The following DNAAF4 variants were observed in gnomAD, a reference collection of about 807,000 sequenced individuals.
The protein encoded by DNAAF4 is dynein assembly factor 4, axonemal.
In DNAAF4, 43 loss-of-function variants were observed where a neutral mutation model predicts 51.8. The ratio of observed to expected loss-of-function variants is 0.83; its 90% CI spans 0.65 to 1.07. The LOEUF (loss-of-function observed/expected upper bound fraction) is 1.07. Among genes scored for constraint, DNAAF4 ranks in the 50% least tolerant of loss-of-function variants. The pLI is 0.00. For synonymous variants in DNAAF4, 194 were observed against 165.6 expected, an observed-to-expected ratio of 1.17 and a Z score of -1.32; for missense variants, 581 against 493.0, an observed-to-expected ratio of 1.18 and a Z score of -1.69.
At chr15:55,429,582 C>G (rs2057466828), downstream of DNAAF4, among the ~76,000 whole-genome samples, 3 of 150,462 alleles carry the variant, frequency 2.0e-5, no homozygotes, top group South Asian at 6.3e-4. Flanking sequence ...CTTTGGGAGG[C>G]CAAGGTGGGT....
At chr15:55,495,113 C>T (rs1449186297) in intron 3 of DNAAF4, 1 of 150,284 alleles carries the variant, frequency 6.7e-6, no homozygotes, top group Non-Finnish European at 1.5e-5. Flanking sequence ...TCCTCAGGCC[C>T]CAACATAGAC....
At position 55,498,593 on chromosome 15, in the gene DNAAF4, G is replaced by GAAAAAAAAAAAAAAAAAAAAAAAAAAA. The variant is rs3049057; in HGVS notation, c.-255-10_-255-9insTTTTTTTTTTTTTTTTTTTTTTTTTTT. Reference sequence around the variant, plus strand: ...AAGTAGACCCATACCCTCTGCTTGAGAAAAAAAAAAAAAAAAAAAAGCACT... The same window carrying GAAAAAAAAAAAAAAAAAAAAAAAAAAA: ...AAGTAGACCCATACCCTCTGCTTGAGAAAAAAAAAAAAAAAAAAAAAAAAAAAAAAAAAAAAAAAAAAAAAAAGCACT... On this transcript the variant is annotated splice_polypyrimidine_tract_variant and intron_variant, in intron 1 of 9. Transcript: ENST00000321149. 1 of 74,630 alleles carries GAAAAAAAAAAAAAAAAAAAAAAAAAAA rather than the reference G, an allele frequency of 1.3e-5. No homozygotes were observed. The highest frequency in any genetic ancestry group is 5.8e-5 in the African/African-American group (1 of 17,202). 4.6% of individuals were successfully genotyped at this position (74,630 alleles called of 1,614,324 possible).
chr15:55,419,994 ACT>A (rs1012456656), intron 7 of DNAAF4, among the ~76,000 whole-genome samples: 6 of 151,842 alleles, frequency 4.0e-5, no homozygotes, highest in Admixed American at 2.0e-4. Context: ...CAAGAGCAAA[ACT>A]CTGTCTCAAA....
intron 4 of DNAAF4, among the ~76,000 whole-genome samples, chr15:55,479,988 T>C (rs546260146): frequency 6.6e-6 from 1 of 152,298 alleles, no homozygotes; most frequent in South Asian, 2.1e-4. Flanking sequence ...CTTTGCCTTG[T>C]GATCTTTGTT....
At chr15:55,453,822 T>A (rs1440945823) in intron 5 of DNAAF4, among the ~76,000 whole-genome samples, 2 of 151,822 alleles carry the variant, frequency 1.3e-5, no homozygotes, top group Non-Finnish European at 2.9e-5. Context: ...AGTGCTGGGA[T>A]TACAGGCATG....
At chr15:55,433,850 TA>T (rs2057542771) in intron 8 of DNAAF4, among the ~76,000 whole-genome samples, 1 of 59,444 alleles carries the variant, frequency 1.7e-5, no homozygotes, top group Non-Finnish European at 3.4e-5. Flanking sequence ...ATATATTATA[TA>T]TATTATAATA....
chr15:55,466,888 A>T (rs2058178313), intron 5 of DNAAF4, 42 bp downstream of exon 5: 4 of 1,573,726 alleles, frequency 2.5e-6, no homozygotes, highest in Non-Finnish European at 3.4e-6. Flanking sequence ...TATATACTTC[A>T]CCAACAGGAC....
At chr15:55,429,970 A>G (rs967549604), downstream of DNAAF4, among the ~76,000 whole-genome samples, 32 of 152,316 alleles carry the variant, frequency 2.1e-4, no homozygotes, top group African/African-American at 7.7e-4. Context: ...ATAATATTCC[A>G]GGTTAATATC....
chr15:55,462,281 T>C (rs1024368212), intron 5 of DNAAF4, among the ~76,000 whole-genome samples: 4 of 151,308 alleles, frequency 2.6e-5, no homozygotes, highest in African/African-American at 4.9e-5. Context: ...GCAACCTCCA[T>C]CTCCGGGTTT....
intron 7 of DNAAF4, among the ~76,000 whole-genome samples, chr15:55,436,115 T>C (rs1024464214): frequency 6.6e-6 from 1 of 152,150 alleles, no homozygotes; most frequent in African/African-American, 2.4e-5. Flanking sequence ...GGAACCACAA[T>C]AGTGTTTTCC....
chr15:55,507,093 C>T (rs573024805), intron 1 of DNAAF4, among the ~76,000 whole-genome samples: 1 of 152,190 alleles, frequency 6.6e-6, no homozygotes, highest in East Asian at 1.9e-4. Context: ...TCAGGTGATC[C>T]GTTCACTTCC....
chr15:55,483,875 A>G (rs2058448643), intron 4 of DNAAF4, among the ~76,000 whole-genome samples: 1 of 93,210 alleles, frequency 1.1e-5, no homozygotes, highest in Non-Finnish European at 2.3e-5. Flanking sequence ...TTTTTTTAAG[A>G]GAAAGCATAG....
intron 1 of DNAAF4, among the ~76,000 whole-genome samples, chr15:55,501,650 C>T (rs2141611088): frequency 6.6e-6 from 1 of 151,300 alleles, no homozygotes; most frequent in East Asian, 2.0e-4. Context: ...GCCGGGATTA[C>T]AGGTGTAAGC....
intron 9 of DNAAF4, 105 bp downstream of exon 9, chr15:55,432,392 A>T: frequency 1.3e-6 from 1 of 763,696 alleles, no homozygotes; most frequent in South Asian, 2.4e-5. Flanking sequence ...AAATGCTAAA[A>T]ATATTTAAAA....
rs1227942902 is a variant in DNAAF4 at position 55,466,920 on chromosome 15, A to G, written c.637+10T>C. The G allele has an allele frequency of 6.3e-7, 1 of 1,581,400 alleles. No homozygotes were observed. The highest frequency in any genetic ancestry group is 1.4e-5 in the African/African-American group (1 of 72,676). ...GGACTCACTACTCAAGAAATTCTTA[A>G]TCATTTTACCTTTTGGAGCAAGATT... On this transcript the variant is annotated intron_variant, in intron 5 of 9. Coordinates refer to ENST00000321149, the MANE Select transcript of DNAAF4 (RefSeq NM_130810.4).
intron 1 of DNAAF4, among the ~76,000 whole-genome samples, chr15:55,507,145 C>T (rs978839276): frequency 3.9e-5 from 6 of 152,156 alleles, no homozygotes; most frequent in Non-Finnish European, 2.9e-5. Context: ...GCTACCATGC[C>T]TGGCCTTTAT....
At chr15:55,501,399 G>A (rs541753626) in intron 1 of DNAAF4, among the ~76,000 whole-genome samples, 215 of 128,160 alleles carry the variant, frequency 1.7e-3, no homozygotes, top group Non-Finnish European at 1.7e-3. Context: ...TTTTTGAGGC[G>A]GAGTCTCGCT....
rs867111577 is a variant in DNAAF4 at position 55,446,303 on chromosome 15, G to C, written c.783+3919C>G. ...CGCTCCTCACATCCCAGACGGGGGG[G>C]GGGGGCAGCTGGGCAGAGGCACTCC... On this transcript the variant is annotated intron_variant, in intron 6 of 9. Coordinates refer to ENST00000321149, the MANE Select transcript of DNAAF4 (RefSeq NM_130810.4). 3.7e-5 allele frequency among the ~76,000 whole-genome samples: 4 copies of C among 109,026 alleles called. 1 individual carries two copies. Among genetic ancestry groups the C allele is most frequent in the Non-Finnish European group, 7.4e-5 (4 of 54,328 alleles). 71.5% of individuals were successfully genotyped at this position (109,026 alleles called of 152,430 possible).
intron 1 of DNAAF4, among the ~76,000 whole-genome samples, chr15:55,506,121 G>A (rs1376199136): frequency 2.0e-5 from 3 of 152,092 alleles, no homozygotes; most frequent in East Asian, 1.9e-4. Context: ...ATAATATTAT[G>A]GCCAAGCTGT....
Sources: allele counts gnomAD v4.1 joint callset (sites outside exome capture counted in the v4.1 genomes callset), GRCh38; gene constraint gnomAD v4.1.1; transcripts MANE v1.5; gene names NCBI Gene and HGNC (gene_info 2026-07-23, HGNC 2026-07-21).